The following CRISPLD1 variants were observed in gnomAD, a reference collection of about 807,000 sequenced individuals.
CRISPLD1 encodes cysteine-rich secretory protein LCCL domain-containing 1.
A neutral mutation model predicts 77.5 loss-of-function variants in CRISPLD1; 60 were observed. The observed-to-expected ratio is 0.77, with a 90% CI of 0.63 to 0.96. The LOEUF is 0.96. Ranked by LOEUF, CRISPLD1 falls within the 40% of genes least tolerant of loss-of-function variation. The pLI, the probability that CRISPLD1 is intolerant of heterozygous loss-of-function variation, is 0.00. For synonymous variants in CRISPLD1, 195 were observed against 200.1 expected, an observed-to-expected ratio of 0.97 and a Z score of 0.22; for missense variants, 623 against 615.8, an observed-to-expected ratio of 1.01 and a Z score of -0.12.
chr8:75,003,742 G>A (rs1244700029), intron 2 of CRISPLD1, among the ~76,000 whole-genome samples: 1 of 151,102 alleles, frequency 6.6e-6, no homozygotes, highest in Non-Finnish European at 1.5e-5. Context: ...TTCTTGATAA[G>A]TGAGTTAGGT....
chr8:75,004,942 T>C (rs1812803398), intron 2 of CRISPLD1, among the ~76,000 whole-genome samples: 1 of 152,164 alleles, frequency 6.6e-6, no homozygotes, highest in South Asian at 2.1e-4. Flanking sequence ...ATTAAGATTA[T>C]CTTCTTACTC....
intron 2 of CRISPLD1, among the ~76,000 whole-genome samples, chr8:74,999,729 G>A (rs1812705485): frequency 6.6e-6 from 1 of 150,870 alleles, no homozygotes; most frequent in African/African-American, 2.4e-5. Flanking sequence ...TTATAAGGTA[G>A]TAACTGTAAC....
rs969730162 is a variant in CRISPLD1 at position 75,033,248 on chromosome 8, A to G, written c.*1006A>G. Reference sequence around the variant, plus strand: ...ATTTTTTTTCTGCTGGTGGATTTACATATTAAATTTTTTCTGCTGGTGGAT... The same window carrying G: ...ATTTTTTTTCTGCTGGTGGATTTACGTATTAAATTTTTTCTGCTGGTGGAT... On this transcript the variant is annotated 3_prime_UTR_variant, in exon 15 of 15. Transcript: ENST00000262207. 6.6e-6 allele frequency: 1 copy of G among 152,338 alleles called. No individual in the cohort carries two copies. Among genetic ancestry groups the G allele is most frequent in the Non-Finnish European group, 1.5e-5 (1 of 67,850 alleles). 9.4% of individuals were successfully genotyped at this position (152,338 alleles called of 1,614,324 possible). A position where few individuals can be genotyped will look rare whatever the true frequency, so the allele number is the denominator to read the frequency against.
chr8:74,997,030 T>G (rs1812656583), intron 2 of CRISPLD1, among the ~76,000 whole-genome samples: 2 of 152,150 alleles, frequency 1.3e-5, no homozygotes, highest in Non-Finnish European at 2.9e-5. Context: ...GAATCCTTTT[T>G]GGCCTTTTAA....
chr8:75,030,963 A>T (rs1485461811), intron 14 of CRISPLD1, among the ~76,000 whole-genome samples: 2 of 152,026 alleles, frequency 1.3e-5, no homozygotes, highest in Non-Finnish European at 2.9e-5. Flanking sequence ...GAGGGGTTAA[A>T]TGATGTGCTC....
intron 10 of CRISPLD1, among the ~76,000 whole-genome samples, chr8:75,018,396 A>T (rs1027403133): frequency 1.5e-4 from 23 of 152,084 alleles, no homozygotes; most frequent in African/African-American, 5.1e-4. Context: ...GGCTCAAGCG[A>T]TTCTCCTGCT....
At chr8:75,018,103 C>T (rs2128786533) in intron 10 of CRISPLD1, among the ~76,000 whole-genome samples, 1 of 152,172 alleles carries the variant, frequency 6.6e-6, no homozygotes, top group South Asian at 2.1e-4. Context: ...GTAAACATTA[C>T]TGAAGTTCAT....
chr8:74,986,678 GT>G (rs1812503194), intron 2 of CRISPLD1, among the ~76,000 whole-genome samples: 1 of 152,104 alleles, frequency 6.6e-6, no homozygotes, highest in Admixed American at 6.5e-5. Context: ...ATGGGTCTTT[GT>G]TTCTTATAAA....
At position 75,032,728 on chromosome 8, in the gene CRISPLD1, T is replaced by C. The variant is rs1313325521; in HGVS notation, c.*486T>C. On this transcript the variant is annotated 3_prime_UTR_variant, in exon 15 of 15. Transcript: ENST00000262207. ...TAATCTCAAATAATTTTCCACTTAA[T>C]AACTGTAAAGTTTTTTTCTGTTAAT... 6.6e-6 allele frequency: 1 copy of C among 152,076 alleles called. No homozygotes were observed. The highest frequency in any genetic ancestry group is 1.5e-5 in the Non-Finnish European group (1 of 67,888). 9.4% of individuals were successfully genotyped at this position (152,076 alleles called of 1,614,324 possible). A position where few individuals can be genotyped will look rare whatever the true frequency, so the allele number is the denominator to read the frequency against.
intron 13 of CRISPLD1, 71 bp downstream of exon 13, chr8:75,025,692 G>C: frequency 1.3e-6 from 1 of 787,874 alleles, no homozygotes; most frequent in Non-Finnish European, 2.1e-6. Context: ...ATTTAAATGT[G>C]TATATGTACA....
At position 75,017,040 on chromosome 8, in the gene CRISPLD1, T is replaced by C; in HGVS notation, c.930-7T>C. 1 of 1,609,536 alleles carries C rather than the reference T, an allele frequency of 6.2e-7. No individual in the cohort carries two copies. The highest frequency in any genetic ancestry group is 8.5e-7 in the Non-Finnish European group (1 of 1,177,586). On this transcript the variant is annotated splice_polypyrimidine_tract_variant and splice_region_variant and intron_variant, in intron 8 of 14. Transcript: ENST00000262207. ...ACTAAATTTTGTGCCCAATTACTTT[T>C]ATTTAGGTACGAATGTCCTGCTGGC...
rs1218627615 is a variant in CRISPLD1 at position 75,033,777 on chromosome 8, A to C, written c.*1535A>C. 1 of 152,024 alleles carries C rather than the reference A, an allele frequency of 6.6e-6. No individual in the cohort carries two copies. The highest frequency in any genetic ancestry group is 2.4e-5 in the African/African-American group (1 of 41,424). The allele number at this position is 152,024 out of a possible 1,614,324, so 9.4% of individuals were successfully genotyped here. On this transcript the variant is annotated 3_prime_UTR_variant, in exon 15 of 15. Coordinates refer to ENST00000262207, the MANE Select transcript of CRISPLD1 (RefSeq NM_031461.6). ...AAGACATCAACATTTTTGATCATAT[A>C]ATAAGTACTGGCTTACAGCTAAGTG...
In CRISPLD1 at chr8:75,016,647, T is replaced by C. The variant is rs538909471; in HGVS notation, c.810T>C (p.His270=). 1.9e-6 allele frequency: 3 copies of C among 1,613,360 alleles called. No individual in the cohort carries two copies. Among genetic ancestry groups the C allele is most frequent in the Admixed American group, 1.7e-5 (1 of 59,984 alleles). Residue 270 remains histidine, a synonymous_variant, in exon 7 of 15, where the codon CAT becomes CAC. Transcript: ENST00000262207. The part of the protein sequence containing the change: ...ERQQSQVHDT[H]VRTRSDDSSR... Reference sequence around the variant, plus strand: ...AGCAGTCACAAGTCCATGACACCCATGTCCGGACAAGATCAGATGATAGTA... The same window carrying C: ...AGCAGTCACAAGTCCATGACACCCACGTCCGGACAAGATCAGATGATAGTA...
In CRISPLD1 at chr8:74,987,368, T is replaced by C. The variant is rs202062475; in HGVS notation, c.258+1123T>C. On this transcript the variant is annotated intron_variant, in intron 2 of 14. Coordinates refer to ENST00000262207, the MANE Select transcript of CRISPLD1 (RefSeq NM_031461.6). ...ACTGACACGCACTAGCTATGTGACATTGGGCGCTTGCTAATTTCTCTCTAC... is the reference window on the plus strand; with the variant it reads ...ACTGACACGCACTAGCTATGTGACACTGGGCGCTTGCTAATTTCTCTCTAC... Among the ~76,000 whole-genome samples, 26 of 152,304 alleles carry C rather than the reference T, an allele frequency of 1.7e-4. No individual in the cohort carries two copies. In the East Asian group the frequency reaches 3.9e-3, roughly 23 times the overall value.
chr8:74,986,866 C>T (rs1276720761), intron 2 of CRISPLD1, among the ~76,000 whole-genome samples: 1 of 152,108 alleles, frequency 6.6e-6, no homozygotes, highest in Non-Finnish European at 1.5e-5. Context: ...CTTATATTTA[C>T]TCTGAGTAAA....
chr8:75,008,080 T>A (rs1189446533), intron 2 of CRISPLD1, among the ~76,000 whole-genome samples: 1 of 152,152 alleles, frequency 6.6e-6, no homozygotes, highest in Non-Finnish European at 1.5e-5. Flanking sequence ...AAAAATATCA[T>A]TGGAGACAAA....
At position 75,029,349 on chromosome 8, in the gene CRISPLD1, ATTTCCAATAATGGCAGTTTG is replaced by A. The variant is rs897840925; in HGVS notation, c.1321-33_1321-14del. The A allele has an allele frequency of 8.8e-6, 14 of 1,595,586 alleles. No individual in the cohort carries two copies. In the African/African-American group the frequency reaches 1.8e-4, roughly 20 times the overall value. ...AATAGGCTGGACAAGTCCAGCAGGA[ATTTCCAATAATGGCAGTTTG>A]TTTCTTTACCTTCTCAGCTGTCCAG... On this transcript the variant is annotated intron_variant, in intron 13 of 14. Transcript: ENST00000262207.
intron 2 of CRISPLD1, among the ~76,000 whole-genome samples, chr8:75,006,939 A>ATTT: frequency 6.6e-6 from 1 of 152,142 alleles, no homozygotes; most frequent in Non-Finnish European, 1.5e-5. Context: ...AATCCAAAAC[A>ATTT]ATGCTAATTA....
chr8:75,027,174 G>A (rs951290784), intron 13 of CRISPLD1, among the ~76,000 whole-genome samples: 1 of 152,124 alleles, frequency 6.6e-6, no homozygotes, highest in African/African-American at 2.4e-5. Context: ...CTCAAGGGCA[G>A]CAGCTGGGTT....
Sources: allele counts gnomAD v4.1 joint callset (sites outside exome capture counted in the v4.1 genomes callset), GRCh38; gene constraint gnomAD v4.1.1; transcripts MANE v1.5; gene names NCBI Gene and HGNC (gene_info 2026-07-23, HGNC 2026-07-21).